RESF1: variants seen among roughly 807,000 people sequenced by gnomAD.
RESF1 encodes gonad expressed transcript.
A neutral mutation model predicts 134.7 loss-of-function variants in RESF1; 65 were observed. That is an observed-to-expected ratio of 0.48 (90% CI 0.40 to 0.59). The LOEUF is 0.59. Ranked by LOEUF, RESF1 falls within the 20% of genes least tolerant of loss-of-function variation. The probability of loss-of-function intolerance (pLI) is 0.00; values close to 1 mark genes in which losing one functional copy is unlikely to be tolerated. For missense variants in RESF1, 2,274 were observed against 2,002.7 expected (o/e 1.14, Z -2.59); for synonymous variants, 762 against 702.2 (o/e 1.09, Z -1.35).
intron 3 of RESF1, among the ~76,000 whole-genome samples, chr12:31,976,028 A>T (rs928137723): frequency 6.6e-6 from 1 of 152,220 alleles, no homozygotes; most frequent in South Asian, 2.1e-4. Flanking sequence ...TTTAAGGATC[A>T]TGATATACTC....
intron 2 of RESF1, among the ~76,000 whole-genome samples, 158 bp downstream of exon 2, chr12:31,961,029 A>G (rs1939254289): frequency 6.6e-6 from 1 of 152,250 alleles, no homozygotes; most frequent in Non-Finnish European, 1.5e-5. Context: ...ATTGACAGCA[A>G]AGCTTGAGAA....
intron 2 of RESF1, among the ~76,000 whole-genome samples, chr12:31,967,581 T>C (rs1364261522): frequency 2.6e-5 from 4 of 152,184 alleles, no homozygotes; most frequent in African/African-American, 9.7e-5. Context: ...TTTGTTTTTT[T>C]TAATGTGCCG....
intron 3 of RESF1, among the ~76,000 whole-genome samples, chr12:31,977,163 A>G (rs923812673): frequency 1.3e-5 from 2 of 151,988 alleles, no homozygotes; most frequent in African/African-American, 4.8e-5. Context: ...ACCTTCCCCT[A>G]TCCCGAGGGC....
At position 31,985,005 on chromosome 12, in the gene RESF1, T is replaced by G; in HGVS notation, c.4050T>G (p.His1350Gln). The G allele has an allele frequency of 6.2e-7, 1 of 1,606,766 alleles. No individual in the cohort carries two copies. Among genetic ancestry groups the G allele is most frequent in the African/African-American group, 1.3e-5 (1 of 74,520 alleles). Reference sequence around the variant, plus strand: ...CAAATAAAGATGTGTATAAGAAGCATAGTTCTTTGGGACAGTCATTATCAC... The same window carrying G: ...CAAATAAAGATGTGTATAAGAAGCAGAGTTCTTTGGGACAGTCATTATCAC... ...FLPNKDVYKKHSSLGQSLSPE... is the reference protein window; with the variant it reads ...FLPNKDVYKKQSSLGQSLSPE... Residue 1350 changes from histidine to glutamine, a missense_variant, in exon 4 of 6, where the codon CAT becomes CAG. Physicochemically the swap from His to Gln is conservative, Grantham distance 24. Coordinates refer to ENST00000312561, the MANE Select transcript of RESF1 (RefSeq NM_018169.4).
intron 5 of RESF1, among the ~76,000 whole-genome samples, chr12:31,990,877 C>T (rs756441462): frequency 9.2e-5 from 14 of 152,146 alleles, no homozygotes; most frequent in Middle Eastern, 3.2e-3. Flanking sequence ...GAGAAAAATG[C>T]CATGAACTCC....
At chr12:31,990,113 C>T (rs1940065667) in intron 5 of RESF1, among the ~76,000 whole-genome samples, 1 of 152,158 alleles carries the variant, frequency 6.6e-6, no homozygotes, top group Admixed American at 6.5e-5. Context: ...AAAGAGAAAG[C>T]GAGAGGCATG....
chr12:31,968,098 A>G (rs1038136641), intron 2 of RESF1, among the ~76,000 whole-genome samples: 2 of 152,128 alleles, frequency 1.3e-5, no homozygotes, highest in African/African-American at 2.4e-5. Flanking sequence ...AGGTATCTCT[A>G]ATTTTTCGAA....
chr12:31,969,220 GT>G (rs1181442748), intron 2 of RESF1, among the ~76,000 whole-genome samples: 1 of 152,186 alleles, frequency 6.6e-6, no homozygotes. Flanking sequence ...GAGATTATAG[GT>G]GTGAGCCACC....
rs374147371 is a variant in RESF1 at position 31,982,110 on chromosome 12, C to T, written c.1155C>T (p.Asp385=). Residue 385 remains aspartate (D), a synonymous_variant, in exon 4 of 6, where the codon GAC becomes GAT. Transcript: ENST00000312561. ...ATCCAACTTCAAATCAAGTACTGGA[C>T]ACAAGTGTTGCAAAAGAAAAGCTAG... The part of the protein sequence containing the change: ...SCNPTSNQVL[D]TSVAKEKLVR... 1.9e-5 allele frequency: 30 copies of T among 1,613,884 alleles called. 1 individual carries two copies. Among genetic ancestry groups the T allele is most frequent in the South Asian group, 1.1e-4 (10 of 91,048 alleles).
chr12:31,982,082 G>T lies in RESF1; in HGVS notation c.1127G>T (p.Cys376Phe). 1 of 1,614,120 alleles carries T rather than the reference G, an allele frequency of 6.2e-7. No individual in the cohort carries two copies. Among genetic ancestry groups the T allele is most frequent in the Non-Finnish European group, 8.5e-7 (1 of 1,180,030 alleles). Reference protein sequence around the residue: ...QTNEEKIMDSCNPTSNQVLDT... With the variant: ...QTNEEKIMDSFNPTSNQVLDT... ...AATGAAGAGAAAATAATGGATTCTTGCAATCCAACTTCAAATCAAGTACTG... is the reference window on the plus strand; with the variant it reads ...AATGAAGAGAAAATAATGGATTCTTTCAATCCAACTTCAAATCAAGTACTG... The change falls in exon 4 of 6, where the codon TGC becomes TTC. Residue 376 changes from cysteine to phenylalanine, a missense_variant. Transcript: ENST00000312561.
intron 2 of RESF1, among the ~76,000 whole-genome samples, chr12:31,968,669 C>T (rs925841317): frequency 9.6e-4 from 146 of 152,074 alleles, no homozygotes; most frequent in African/African-American, 3.4e-3. Flanking sequence ...AGGATGGTCT[C>T]GATCTCCTGA....
chr12:31,982,987 T>C lies in RESF1; in HGVS notation c.2032T>C (p.Ser678Pro). Reference protein sequence around the residue: ...CSMEVLATCLSLWKKQPSDTA... With the variant: ...CSMEVLATCLPLWKKQPSDTA... The stretch of plus-strand genomic sequence containing the variant: ...CATGGAAGTGCTAGCAACCTGTCTT[T>C]CCCTGTGGAAAAAGCAACCTTCAGA... The change falls in exon 4 of 6, where the codon TCC becomes CCC. Residue 678 changes from serine to proline, a missense_variant. Coordinates refer to ENST00000312561, the MANE Select transcript of RESF1 (RefSeq NM_018169.4). 3 of 1,614,126 alleles carry C rather than the reference T, an allele frequency of 1.9e-6. No individual in the cohort carries two copies. Among genetic ancestry groups the C allele is most frequent in the Non-Finnish European group, 2.5e-6 (3 of 1,180,024 alleles).
chr12:31,983,826 T>C lies in RESF1; in HGVS notation c.2871T>C (p.Asp957=), dbSNP rs781089502. The C allele has an allele frequency of 1.2e-6, 2 of 1,612,934 alleles. No homozygotes were observed. The highest frequency in any genetic ancestry group is 2.7e-5 in the African/African-American group (2 of 74,984). ...ATAAAGACTTTGGTTTTCAAAAAGA[T>C]AAACCTGTACAGTGCACAGATGTTT... ...TENKDFGFQK[D]KPVQCTDVSH... Residue 957 remains aspartate (D), a synonymous_variant, in exon 4 of 6, where the codon GAT becomes GAC. Coordinates refer to ENST00000312561, the MANE Select transcript of RESF1 (RefSeq NM_018169.4).
At position 31,985,947 on chromosome 12, in the gene RESF1, C is replaced by T; in HGVS notation, c.4992C>T (p.Ala1664=). 1 of 1,474,610 alleles carries T rather than the reference C, an allele frequency of 6.8e-7. No individual in the cohort carries two copies. The allele number at this position is 1,474,610 out of a possible 1,614,324, so 91.3% of individuals were successfully genotyped here. ...AGCCTCATCCTAGGAAGGAGCAAGC[C>T]CCTCTGCAAGGTCCAGTATGATTTT... ...DVKPHPRKEQ[A]PLQVSGIKST... is the part of the protein sequence containing the mutation. Residue 1664 remains alanine (A), a synonymous_variant, in exon 4 of 6, where the codon GCC becomes GCT. Transcript: ENST00000312561.
chr12:31,979,167 A>G (rs927421707), intron 3 of RESF1, among the ~76,000 whole-genome samples: 38 of 152,008 alleles, frequency 2.5e-4, no homozygotes, highest in African/African-American at 7.7e-4. Context: ...TGATCCGCCC[A>G]CCTTGGCCTC....
rs193284711 is a variant in RESF1, at chr12:31,972,500, G to A, written c.-79+2144G>A. On this transcript the variant is annotated intron_variant, in intron 3 of 5. Coordinates refer to ENST00000312561, the MANE Select transcript of RESF1 (RefSeq NM_018169.4). ...GGGCACCGGTAGTTCCAGCTACTCA[G>A]GAGGCTGAGGCAGGAGAATGGCGTG... is the stretch of plus-strand genomic sequence containing the variant. 2.1e-4 allele frequency among the ~76,000 whole-genome samples: 32 copies of A among 151,984 alleles called. No homozygotes were observed. In the East Asian group the frequency reaches 4.5e-3, roughly 21 times the overall value.
At chr12:31,980,108 C>CTTT (rs61587386) in intron 3 of RESF1, among the ~76,000 whole-genome samples, 1,371 of 114,394 alleles carry the variant, frequency 0.012, 48 homozygotes, top group South Asian at 0.027. Context: ...TTTTCTTTTC[C>CTTT]TTTTTTTTTT....
chr12:31,985,120 A>G lies in RESF1; in HGVS notation c.4165A>G (p.Lys1389Glu). ...GAACGTATTAGATATGGAAGTAAAGAAAAAGAAACATGATAAACAAGAACA... is the reference window on the plus strand; with the variant it reads ...GAACGTATTAGATATGGAAGTAAAGGAAAAGAAACATGATAAACAAGAACA... ...QGNVLDMEVK[K>E]KKHDKQEQKG... The change falls in exon 4 of 6, where the codon AAA becomes GAA. Residue 1389 changes from lysine (K) to glutamate (E), a missense_variant. Lys to Glu is a moderately conservative substitution (Grantham distance 56). Coordinates refer to ENST00000312561, the MANE Select transcript of RESF1 (RefSeq NM_018169.4). 1 of 1,548,770 alleles carries G rather than the reference A, an allele frequency of 6.5e-7. No individual in the cohort carries two copies. The highest frequency in any genetic ancestry group is 2.3e-5 in the East Asian group (1 of 44,324).
chr12:31,985,054 A>C lies in RESF1; in HGVS notation c.4099A>C (p.Lys1367Gln), dbSNP rs1309325752. Residue 1367 changes from lysine to glutamine, a missense_variant, in exon 4 of 6, where the codon AAA becomes CAA. Lys to Gln is a moderately conservative substitution (Grantham distance 53). Coordinates refer to ENST00000312561, the MANE Select transcript of RESF1 (RefSeq NM_018169.4). ...ACCAGAAAAGATAAAATTGAAACTC[A>C]AATCAGTTAGCTTCAAACAAAAACG... The part of the protein sequence containing the change: ...LSPEKIKLKL[K>Q]SVSFKQKRKL... 1.3e-6 allele frequency: 2 copies of C among 1,582,674 alleles called. No homozygotes were observed. Among genetic ancestry groups the C allele is most frequent in the Non-Finnish European group, 1.7e-6 (2 of 1,170,860 alleles).
Sources: allele counts gnomAD v4.1 joint callset (sites outside exome capture counted in the v4.1 genomes callset), GRCh38; gene constraint gnomAD v4.1.1; transcripts MANE v1.5; gene names NCBI Gene and HGNC (gene_info 2026-07-23, HGNC 2026-07-21).